ANK3: variants seen among roughly 807,000 people sequenced by gnomAD.
The protein encoded by ANK3 is ankyrin-3.
In ANK3, 57 loss-of-function variants were observed where a neutral mutation model predicts 370.9. The observed-to-expected ratio is 0.15, with a 90% CI of 0.12 to 0.19. The LOEUF (loss-of-function observed/expected upper bound fraction) is 0.19. Ranked by LOEUF, ANK3 falls within the 10% of genes least tolerant of loss-of-function variation. The pLI is 1.00. For missense variants in ANK3, 4,439 were observed against 5,302.1 expected, an observed-to-expected ratio of 0.84 and a Z score of 5.06; for synonymous variants, 1,929 against 1,946.3, an observed-to-expected ratio of 0.99 and a Z score of 0.23.
chr10:60,353,647 G>C (rs905636493), intron 1 of ANK3, among the ~76,000 whole-genome samples: 2 of 152,160 alleles, frequency 1.3e-5, no homozygotes, highest in Non-Finnish European at 2.9e-5. Context: ...GATAACAGGC[G>C]CCATCTCTCA....
chr10:60,487,720 A>T (rs1291762208), intron 2 of ANK3, among the ~76,000 whole-genome samples: 16 of 144,920 alleles, frequency 1.1e-4, no homozygotes, highest in Non-Finnish European at 1.1e-4. Flanking sequence ...ATGATGTTGC[A>T]TTTTTTTTTT....
At chr10:60,509,200 G>C (rs80143165) in intron 2 of ANK3, among the ~76,000 whole-genome samples, 12,024 of 151,860 alleles carry the variant, frequency 0.079, 612 homozygotes, top group South Asian at 0.17. Context: ...CTCTTGTCTT[G>C]AGACATAGGA....
Position 60,026,694 on chromosome 10 carries a change from T to G in ANK3, c.*3152A>C, listed in dbSNP as rs1047832744. 3 of 152,236 alleles carry G rather than the reference T, an allele frequency of 2.0e-5. No individual in the cohort carries two copies. The highest frequency in any genetic ancestry group is 2.9e-5 in the Non-Finnish European group (2 of 68,044). The allele number at this position is 152,236 out of a possible 1,614,324, so 9.4% of individuals were successfully genotyped here. On this transcript the variant is annotated 3_prime_UTR_variant, in exon 44 of 44. Coordinates refer to ENST00000280772, the MANE Select transcript of ANK3 (RefSeq NM_020987.5). ...TATTTACAGAGGAAAGGAGGCTAGC[T>G]GCTTATGTGTTCAATGAAGTAATAG... is the stretch of plus-strand genomic sequence containing the variant.
Position 60,222,318 on chromosome 10 carries a change from T to C in ANK3, c.898-8808A>G, listed in dbSNP as rs532345889. On this transcript the variant is annotated intron_variant, in intron 8 of 43. Transcript: ENST00000280772. The stretch of plus-strand genomic sequence containing the variant: ...GTGCCTAGGGTGAATGTAAGATCTT[T>C]AATTAGCATCACAGTTCTTGCAGTC... Among the ~76,000 whole-genome samples the C allele has an allele frequency of 1.4e-4, 21 of 152,120 alleles. No homozygotes were observed. In the South Asian group the frequency reaches 4.4e-3, roughly 32 times the overall value.
intron 43 of ANK3, among the ~76,000 whole-genome samples, chr10:60,035,570 G>A (rs1379869916): frequency 1.3e-5 from 2 of 151,750 alleles, no homozygotes; most frequent in African/African-American, 2.4e-5. Flanking sequence ...GAGCCACAAA[G>A]CTTTTAAATA....
intron 2 of ANK3, among the ~76,000 whole-genome samples, chr10:60,481,896 G>A (rs1348998425): frequency 2.0e-5 from 3 of 152,164 alleles, no homozygotes; most frequent in Non-Finnish European, 4.4e-5. Context: ...AAGGCCTAGG[G>A]TTTCCCCAGA....
At chr10:60,169,364 G>GTTTTTTTTTT (rs71015773) in intron 21 of ANK3, among the ~76,000 whole-genome samples, 3 of 51,896 alleles carry the variant, frequency 5.8e-5, no homozygotes, top group African/African-American at 7.4e-5. Context: ...TTGTCTCATA[G>GTTTTTTTTTT]TTTTTTTTTT....
chr10:60,035,044 T>C (rs957936561), intron 43 of ANK3, among the ~76,000 whole-genome samples: 1 of 152,162 alleles, frequency 6.6e-6, no homozygotes, highest in Non-Finnish European at 1.5e-5. Flanking sequence ...TGGAAAACTG[T>C]TCATTCGTGT....
Position 60,074,821 on chromosome 10 carries a change from T to C in ANK3, c.6060A>G (p.Ala2020=), listed in dbSNP as rs773211905. ...TATAATCCTTTTCGGAGGCGGCTTT[T>C]GCTTTTACTTGCACTCTCTCTGGCA... ...PSLPERVQVK[A]KAASEKDYNL... The change falls in exon 37 of 44, where the codon GCA becomes GCG. Residue 2020 remains alanine, a synonymous_variant. Coordinates refer to ENST00000280772, the MANE Select transcript of ANK3 (RefSeq NM_020987.5). The C allele has an allele frequency of 1.9e-6, 3 of 1,613,858 alleles. No homozygotes were observed. The highest frequency in any genetic ancestry group is 8.5e-7 in the Non-Finnish European group (1 of 1,179,944).
rs76547019 is a variant in ANK3, at chr10:60,560,830, C to T, written c.96+54356G>A. Among the ~76,000 whole-genome samples the T allele has an allele frequency of 2.4e-4, 37 of 152,170 alleles. No homozygotes were observed. The East Asian group carries it at 6.8e-3, about 28-fold the overall frequency. ...ACTCATAAATATTTGCTTGAATACACGATTCACTTAATTACCTGTAATTAT... is the reference window on the plus strand; with the variant it reads ...ACTCATAAATATTTGCTTGAATACATGATTCACTTAATTACCTGTAATTAT... On this transcript the variant is annotated intron_variant, in intron 2 of 43. Transcript: ENST00000373827.
At chr10:60,377,974 T>C (rs2061027481) in intron 1 of ANK3, among the ~76,000 whole-genome samples, 1 of 152,160 alleles carries the variant, frequency 6.6e-6, no homozygotes, top group Admixed American at 6.5e-5. Flanking sequence ...CAAACTGAGG[T>C]TTGCTAGCAA....
At chr10:60,198,558 G>GT in intron 13 of ANK3, 21 bp from the exon 14 acceptor site, 1 of 1,610,478 alleles carries the variant, frequency 6.2e-7, no homozygotes. Context: ...AGGTAGAAAT[G>GT]TAAGGCTGAT....
intron 2 of ANK3, among the ~76,000 whole-genome samples, chr10:60,428,210 C>T (rs937634037): frequency 2.0e-5 from 3 of 152,136 alleles, no homozygotes; most frequent in African/African-American, 7.2e-5. Flanking sequence ...ATTAAACAAG[C>T]ACATCAAAAC....
At chr10:60,583,872 C>T (rs1567164042) in intron 2 of ANK3, among the ~76,000 whole-genome samples, 2 of 152,008 alleles carry the variant, frequency 1.3e-5, no homozygotes, top group South Asian at 2.1e-4. Flanking sequence ...GCATGAGCCA[C>T]GGCGCCCAGC....
At chr10:60,586,156 G>T (rs2077828515) in intron 2 of ANK3, among the ~76,000 whole-genome samples, 1 of 152,150 alleles carries the variant, frequency 6.6e-6, no homozygotes, top group African/African-American at 2.4e-5. Context: ...AATGCAAGAG[G>T]TGTATAGATT....
intron 20 of ANK3, 24 bp downstream of exon 20, chr10:60,172,876 C>G: frequency 6.5e-7 from 1 of 1,539,500 alleles, no homozygotes; most frequent in Non-Finnish European, 9.0e-7. Flanking sequence ...TCCCTCTTCT[C>G]CTGAGCTGGC....
In ANK3 at chr10:60,389,709, A is replaced by G. The variant is rs2062931408; in HGVS notation, c.-171T>C. 22 of 1,439,564 alleles carry G rather than the reference A, an allele frequency of 1.5e-5. No homozygotes were observed. Among genetic ancestry groups the G allele is most frequent in the Non-Finnish European group, 1.9e-5 (21 of 1,103,164 alleles). 89.2% of individuals were successfully genotyped at this position (1,439,564 alleles called of 1,614,324 possible). A position where few individuals can be genotyped will look rare whatever the true frequency, so the allele number is the denominator to read the frequency against. On this transcript the variant is annotated 5_prime_UTR_variant, in exon 1 of 44. The change abolishes the stop of an existing upstream ORF in the 5' untranslated region. Transcript: ENST00000280772. Reference sequence around the variant, plus strand: ...AGATGCTGGAGAAGCTGAAGCTTTTAAAAACCCAAATGATGGTGTCCGGAC... The same window carrying G: ...AGATGCTGGAGAAGCTGAAGCTTTTGAAAACCCAAATGATGGTGTCCGGAC...
At chr10:60,250,141 G>T (rs2097628388) in intron 7 of ANK3, among the ~76,000 whole-genome samples, 1 of 152,116 alleles carries the variant, frequency 6.6e-6, no homozygotes, top group Non-Finnish European at 1.5e-5. Flanking sequence ...ACTCAACTTT[G>T]GGCAATTTAT....
chr10:60,072,765 A>G lies in ANK3; in HGVS notation c.8116T>C (p.Ser2706Pro). 1 of 1,614,114 alleles carries G rather than the reference A, an allele frequency of 6.2e-7. No individual in the cohort carries two copies. Among genetic ancestry groups the G allele is most frequent in the Non-Finnish European group, 8.5e-7 (1 of 1,180,012 alleles). ...SQSKAPDGPQSGFQLKQSKLS... is the reference protein window; with the variant it reads ...SQSKAPDGPQPGFQLKQSKLS... ...TTAGATTGTTTGAGCTGGAATCCAG[A>G]CTGGGGCCCATCTGGTGCTTTGCTC... Residue 2706 changes from serine (S) to proline (P), a missense_variant, in exon 37 of 44, where the codon TCT becomes CCT. Around this residue, in one of 13 missense-constraint regions of ANK3, gnomAD observed 1,601 missense variants for 1,731.7 expected, o/e 0.92. Coordinates refer to ENST00000280772, the MANE Select transcript of ANK3 (RefSeq NM_020987.5).
Sources: allele counts gnomAD v4.1 joint callset (sites outside exome capture counted in the v4.1 genomes callset), GRCh38; gene constraint gnomAD v4.1.1; regional missense constraint gnomAD v4.1.1; transcripts MANE v1.5; gene names NCBI Gene and HGNC (gene_info 2026-07-23, HGNC 2026-07-21).